The following ERAP1 variants were observed in gnomAD, a reference collection of about 807,000 sequenced individuals.
ERAP1 encodes the protein adipocyte-derived leucine aminopeptidase.
Under a neutral mutation model 103.7 loss-of-function variants are expected in ERAP1, and 86 were observed. The ratio of observed to expected loss-of-function variants is 0.83; its 90% CI spans 0.70 to 0.99. The LOEUF (loss-of-function observed/expected upper bound fraction) is 0.99, where lower values mean the gene tolerates loss of function less well. Ranked by LOEUF, ERAP1 falls within the 50% of genes least tolerant of loss-of-function variation. ERAP1 has a pLI of 0.00. For missense variants in ERAP1, 1,009 were observed against 1,128.4 expected (o/e 0.89, Z 1.52); for synonymous variants, 398 against 402.4 (o/e 0.99, Z 0.13).
At chr5:96,808,437 C>T (rs1778943943), upstream of ERAP1, among the ~76,000 whole-genome samples, 1 of 151,952 alleles carries the variant, frequency 6.6e-6, no homozygotes, top group South Asian at 2.1e-4. Context: ...TGTCCGTCAT[C>T]TCGCCACTGC....
At chr5:96,845,378 G>A in the ERAP1 span, among the ~76,000 whole-genome samples, 1 of 152,068 alleles carries the variant, frequency 6.6e-6, no homozygotes, top group Non-Finnish European at 1.5e-5. Flanking sequence ...GGGATTACAG[G>A]TGCACACCAT....
At chr5:96,921,158 A>G in the ERAP1 span, among the ~76,000 whole-genome samples, 1 of 152,202 alleles carries the variant, frequency 6.6e-6, no homozygotes, top group Non-Finnish European at 1.5e-5. Flanking sequence ...AGCACTCTCG[A>G]AGGCATAAAA....
rs1774838351 is a variant in ERAP1 at position 96,779,412 on chromosome 5, A to C, written c.2670+1011T>G. The C allele has an allele frequency of 2.0e-5, 3 of 152,340 alleles. No homozygotes were observed. In the East Asian group the frequency reaches 5.8e-4, roughly 29 times the overall value. The allele number at this position is 152,340 out of a possible 1,614,324, so 9.4% of individuals were successfully genotyped here. A position where few individuals can be genotyped will look rare whatever the true frequency, so the allele number is the denominator to read the frequency against. On this transcript the variant is annotated intron_variant, in intron 18 of 18. Coordinates refer to ENST00000443439, the MANE Select transcript of ERAP1 (RefSeq NM_001040458.3). Reference sequence around the variant, plus strand: ...GTATCTCTGCTCTAGACCTCGCTGGAGTTCAAGCTTGAATTATTATATGCA... The same window carrying C: ...GTATCTCTGCTCTAGACCTCGCTGGCGTTCAAGCTTGAATTATTATATGCA...
the ERAP1 span, among the ~76,000 whole-genome samples, chr5:96,890,694 T>C: frequency 2.0e-5 from 3 of 152,270 alleles, no homozygotes; most frequent in South Asian, 6.2e-4. Flanking sequence ...GGACCATCAA[T>C]TGGCATACAG....
chr5:96,866,471 T>C, the ERAP1 span, among the ~76,000 whole-genome samples: 1 of 152,332 alleles, frequency 6.6e-6, no homozygotes, highest in East Asian at 1.9e-4. Flanking sequence ...ATAGTGATAA[T>C]TATAACCAAC....
chr5:96,762,238 A>C lies in ERAP1; in HGVS notation c.*962T>G, dbSNP rs77356446. 818 of 1,377,818 alleles carry C rather than the reference A, an allele frequency of 5.9e-4. 7 individuals are homozygous for C. The African/African-American group carries it at 0.011, about 19-fold the overall frequency. The allele number at this position is 1,377,818 out of a possible 1,614,324, so 85.3% of individuals were successfully genotyped here. On this transcript the variant is annotated 3_prime_UTR_variant, in exon 20 of 20. Transcript: ENST00000296754. ...TGGCATTGTGCTCATAATTTTATAT[A>C]CAACATGTTACTAATAAAATTTTTT...
chr5:96,920,306 T>TA, the ERAP1 span, among the ~76,000 whole-genome samples: 8,346 of 143,008 alleles, frequency 0.058, 527 homozygotes, highest in African/African-American at 0.16. Flanking sequence ...CCCTGTCATT[T>TA]AAAAAAAAAA....
intron 11 of ERAP1, among the ~76,000 whole-genome samples, chr5:96,787,415 G>A (rs1018178292): frequency 5.3e-5 from 8 of 151,954 alleles, no homozygotes; most frequent in African/African-American, 1.2e-4. Context: ...ACAGGCGCCC[G>A]CCACCATGCC....
chr5:96,771,006 C>T (rs1772105554), downstream of ERAP1, among the ~76,000 whole-genome samples: 1 of 152,076 alleles, frequency 6.6e-6, no homozygotes, highest in African/African-American at 2.4e-5. Context: ...ATTCCAAGAA[C>T]ATATGATTTA....
Position 96,781,325 on chromosome 5 carries a change from G to A in ERAP1, c.2448-127C>T, listed in dbSNP as rs962272939. 21 of 927,420 alleles carry A rather than the reference G, an allele frequency of 2.3e-5. No individual in the cohort carries two copies. The African/African-American group carries it at 3.3e-4, about 15-fold the overall frequency. The allele number at this position is 927,420 out of a possible 1,614,324, so 57.4% of individuals were successfully genotyped here. On this transcript the variant is annotated intron_variant, in intron 16 of 18. Coordinates refer to ENST00000443439, the MANE Select transcript of ERAP1 (RefSeq NM_001040458.3). ...TAACAAAGGTTAAAAAGATAAATGG[G>A]TAACCACAATCCTGATAAACCCACT...
In ERAP1 at chr5:96,776,518, C is replaced by T; in HGVS notation, c.2704G>A (p.Gly902Ser). 1 of 1,614,078 alleles carries T rather than the reference C, an allele frequency of 6.2e-7. No individual in the cohort carries two copies. The change falls in exon 19 of 19, where the codon GGT (glycine) becomes AGT (serine). Residue 902 changes from glycine (G) to serine (S), a missense_variant. Physicochemically the swap from Gly to Ser is moderately conservative, Grantham distance 56. Around this residue, in one of 3 missense-constraint regions of ERAP1, gnomAD observed 611 missense variants for 651.7 expected, o/e 0.94. Coordinates refer to ENST00000443439, the MANE Select transcript of ERAP1 (RefSeq NM_001040458.3). ...KGFFSSLKEN[G>S]SQLRCVQQTI... is the part of the protein sequence containing the mutation. ...TGTTGGACACAACGGAGCTGAGAAC[C>T]ATTTTCTTTCAAAGAGCTGAAGAAT...
chr5:96,782,625 A>G (rs1264243827), intron 15 of ERAP1, among the ~76,000 whole-genome samples: 1 of 152,222 alleles, frequency 6.6e-6, no homozygotes, highest in Non-Finnish European at 1.5e-5. Context: ...ACTGAAGTGT[A>G]GCAAGAATAG....
At chr5:96,825,464 CA>C in the ERAP1 span, among the ~76,000 whole-genome samples, 2 of 152,268 alleles carry the variant, frequency 1.3e-5, no homozygotes, top group African/African-American at 4.8e-5. Flanking sequence ...TTGCTGCTGT[CA>C]GATGAAGTGT....
At chr5:96,784,444 C>A (rs1460344973) in intron 13 of ERAP1, among the ~76,000 whole-genome samples, 1 of 152,116 alleles carries the variant, frequency 6.6e-6, no homozygotes, top group Non-Finnish European at 1.5e-5. Context: ...GATGGCACCA[C>A]TGCACTCCAG....
Position 96,800,956 on chromosome 5 carries a change from G to A in ERAP1, c.569C>T (p.Ala190Val), listed in dbSNP as rs749951499. Residue 190 changes from alanine to valine, a missense_variant, in exon 3 of 19, where the codon GCC becomes GTC. Ala to Val is a moderately conservative substitution (Grantham distance 64, BLOSUM62 0). Around this residue, in one of 3 missense-constraint regions of ERAP1, gnomAD observed 392 missense variants for 455.2 expected, o/e 0.86. Coordinates refer to ENST00000443439, the MANE Select transcript of ERAP1 (RefSeq NM_001040458.3). ...TQFEPTAARM[A>V]FPCFDEPAFK... ...GGCAGGTTCATCAAAGCAGGGAAAG[G>A]CCATTCTAGCTGCAGTGGGTTCAAA... is the stretch of plus-strand genomic sequence containing the variant. 5.6e-6 allele frequency: 9 copies of A among 1,614,140 alleles called. No individual in the cohort carries two copies. The Admixed American group carries it at 6.7e-5, about 12-fold the overall frequency.
chr5:96,830,644 T>C, the ERAP1 span, among the ~76,000 whole-genome samples: 2 of 152,352 alleles, frequency 1.3e-5, no homozygotes, highest in Middle Eastern at 3.4e-3. Context: ...TTATATATAG[T>C]GTGATACCAA....
At chr5:96,907,573 A>ATTT in the ERAP1 span, among the ~76,000 whole-genome samples, 797 of 148,376 alleles carry the variant, frequency 5.4e-3, 9 homozygotes, top group African/African-American at 0.01. Context: ...CATTTTGTGG[A>ATTT]TTTTTTTTTT....
chr5:96,786,505 T>C lies in ERAP1; in HGVS notation c.1724A>G (p.Asp575Gly), dbSNP rs6863093. 1,432 of 1,613,212 alleles carry C rather than the reference T, an allele frequency of 8.9e-4. 15 individuals carry two copies. The African/African-American group carries it at 0.017, about 19-fold the overall frequency. ...VPLTFITSKS[D>G]MVHRFLLKTK... The stretch of plus-strand genomic sequence containing the variant: ...TTTTAGCAAAAATCGATGGACCATG[T>C]CGGATTTGCTGGTGATGAATGTCAA... The change falls in exon 12 of 19, where the codon GAC (aspartate) becomes GGC (glycine). Residue 575 changes from aspartate (D) to glycine (G), a missense_variant. Around this residue, in one of 3 missense-constraint regions of ERAP1, gnomAD observed 611 missense variants for 651.7 expected, o/e 0.94. Transcript: ENST00000443439.
chr5:96,930,942 G>C, the ERAP1 span, among the ~76,000 whole-genome samples: 1 of 152,180 alleles, frequency 6.6e-6, no homozygotes, highest in Non-Finnish European at 1.5e-5. Context: ...ATTAGGCAAA[G>C]TGCGGGAATT....
Sources: allele counts gnomAD v4.1 joint callset (sites outside exome capture counted in the v4.1 genomes callset), GRCh38; gene constraint gnomAD v4.1.1; regional missense constraint gnomAD v4.1.1; transcripts MANE v1.5; gene names NCBI Gene and HGNC (gene_info 2026-07-23, HGNC 2026-07-21).